The following SAMD5 variants were observed in gnomAD, a reference collection of about 807,000 sequenced individuals.
SAMD5 encodes the protein sterile alpha motif domain containing 5, also known as sterile alpha motif domain-containing protein 5.
A neutral mutation model predicts 11.3 loss-of-function variants in SAMD5; 13 were observed. That is an observed-to-expected ratio of 1.15 (90% CI 0.75 to 1.83). The LOEUF is 1.83. Ranked by LOEUF, SAMD5 falls within the 40% of genes most tolerant of loss-of-function variation. The pLI, the probability that SAMD5 is intolerant of heterozygous loss-of-function variation, is 0.00. For missense variants in SAMD5, 255 were observed against 239.1 expected, an observed-to-expected ratio of 1.07 and a Z score of -0.44; for synonymous variants, 129 against 111.3, an observed-to-expected ratio of 1.16 and a Z score of -1.00.
At chr6:147,929,697 T>C in the SAMD5 span, among the ~76,000 whole-genome samples, 1 of 152,190 alleles carries the variant, frequency 6.6e-6, no homozygotes. Flanking sequence ...TTGGGTTATG[T>C]TGGCAACTTA....
the SAMD5 span, among the ~76,000 whole-genome samples, chr6:147,765,394 T>A: frequency 1.3e-5 from 2 of 152,222 alleles, no homozygotes; most frequent in Non-Finnish European, 2.9e-5. Flanking sequence ...ATAAAACATC[T>A]TATAGGGCTT....
At chr6:147,947,533 T>G in the SAMD5 span, 3 of 152,210 alleles carry the variant, frequency 2.0e-5, no homozygotes, top group African/African-American at 7.2e-5. Flanking sequence ...AGTGTTCGTT[T>G]TGCTCTGGTA....
the SAMD5 span, among the ~76,000 whole-genome samples, chr6:147,922,612 C>A: frequency 6.6e-6 from 1 of 152,150 alleles, no homozygotes; most frequent in Non-Finnish European, 1.5e-5. Context: ...TGGCATTCCC[C>A]AATCAGTTCT....
At position 147,521,136 on chromosome 6, in the gene SAMD5, A is replaced by T. The variant is rs75110308; in HGVS notation, c.459+11749A>T. Among the ~76,000 whole-genome samples, 439 of 127,206 alleles carry T rather than the reference A, an allele frequency of 3.5e-3. 2 individuals carry two copies. Among genetic ancestry groups the T allele is most frequent in the African/African-American group, 0.013 (419 of 32,292 alleles). 83.5% of individuals were successfully genotyped at this position (127,206 alleles called of 152,430 possible). On this transcript the variant is annotated intron_variant, in intron 1 of 1. Coordinates refer to ENST00000367474, the MANE Select transcript of SAMD5 (RefSeq NM_001030060.3). ...CTTACCCATGTTACTACTAATTATTATTTTTTTATTATTTGAAAATGTCAC... is the reference window on the plus strand; with the variant it reads ...CTTACCCATGTTACTACTAATTATTTTTTTTTTATTATTTGAAAATGTCAC...
chr6:147,922,615 T>C, the SAMD5 span, among the ~76,000 whole-genome samples: 8 of 152,206 alleles, frequency 5.3e-5, no homozygotes, highest in African/African-American at 1.4e-4. Context: ...CATTCCCCAA[T>C]CAGTTCTGCT....
At chr6:147,887,835 G>A in the SAMD5 span, among the ~76,000 whole-genome samples, 1 of 152,194 alleles carries the variant, frequency 6.6e-6, no homozygotes, top group African/African-American at 2.4e-5. Context: ...CACTTGGTAT[G>A]ATGAGTCTTT....
chr6:147,780,121 T>A, the SAMD5 span, among the ~76,000 whole-genome samples: 1 of 152,146 alleles, frequency 6.6e-6, no homozygotes, highest in Non-Finnish European at 1.5e-5. Context: ...GCATGTTTTG[T>A]CTCATTCAAT....
At chr6:147,812,563 T>C in the SAMD5 span, among the ~76,000 whole-genome samples, 1 of 152,108 alleles carries the variant, frequency 6.6e-6, no homozygotes, top group African/African-American at 2.4e-5. Flanking sequence ...GGGATCTGTA[T>C]ATTTAAAAAT....
At chr6:147,690,117 A>G (rs569681393) in intron 1 of SAMD5, among the ~76,000 whole-genome samples, 41 of 152,050 alleles carry the variant, frequency 2.7e-4, no homozygotes, top group Non-Finnish European at 4.4e-4. Context: ...AAGTAAATAT[A>G]ATATAATCAC....
At chr6:147,636,380 C>T (rs1262736652) in intron 1 of SAMD5, among the ~76,000 whole-genome samples, 1 of 151,918 alleles carries the variant, frequency 6.6e-6, no homozygotes, top group Non-Finnish European at 1.5e-5. Flanking sequence ...ATATCCTCAT[C>T]AAAAAATTTA....
intron 1 of SAMD5, among the ~76,000 whole-genome samples, chr6:147,731,498 C>A (rs924514213): frequency 7.2e-5 from 11 of 152,072 alleles, no homozygotes; most frequent in African/African-American, 2.7e-4. Flanking sequence ...CAATGCACAG[C>A]CATGAACTTT....
chr6:147,853,227 C>T, the SAMD5 span, among the ~76,000 whole-genome samples: 1 of 152,036 alleles, frequency 6.6e-6, no homozygotes, highest in Non-Finnish European at 1.5e-5. Flanking sequence ...CTCTAAGTCT[C>T]AGTAATTGGA....
At chr6:147,747,656 A>C in the SAMD5 span, among the ~76,000 whole-genome samples, 24 of 152,176 alleles carry the variant, frequency 1.6e-4, no homozygotes, top group Middle Eastern at 3.4e-3. Flanking sequence ...GACCACAGGC[A>C]CGCGCTACCA....
the SAMD5 span, among the ~76,000 whole-genome samples, chr6:147,921,426 A>G: frequency 6.6e-6 from 1 of 152,166 alleles, no homozygotes; most frequent in Non-Finnish European, 1.5e-5. Context: ...TAGTGCCGCC[A>G]CCACAGCCCT....
At chr6:147,600,288 G>A (rs1789596225) in intron 1 of SAMD5, among the ~76,000 whole-genome samples, 3 of 152,158 alleles carry the variant, frequency 2.0e-5, no homozygotes, top group Admixed American at 2.0e-4. Flanking sequence ...TATCTCTGCT[G>A]TCACTCCAGC....
intron 1 of SAMD5, among the ~76,000 whole-genome samples, chr6:147,675,094 CT>C (rs1403887268): frequency 1.3e-5 from 2 of 152,114 alleles, no homozygotes; most frequent in Non-Finnish European, 2.9e-5. Flanking sequence ...TATAAAGAAC[CT>C]CATGTATTGC....
chr6:147,901,627 T>TA, the SAMD5 span, among the ~76,000 whole-genome samples: 100,272 of 151,976 alleles, frequency 0.66, 34,092 homozygotes, highest in African/African-American at 0.83. Context: ...TTTCTGGAAC[T>TA]AAAGTATGAG....
At chr6:147,700,357 A>G (rs183536595) in intron 1 of SAMD5, among the ~76,000 whole-genome samples, 450 of 152,304 alleles carry the variant, frequency 3.0e-3, no homozygotes, top group Non-Finnish European at 5.2e-3. Context: ...ATTAATCTTG[A>G]TCATAGAGCT....
At chr6:147,601,249 C>T (rs1789610055) in intron 1 of SAMD5, among the ~76,000 whole-genome samples, 2 of 152,000 alleles carry the variant, frequency 1.3e-5, no homozygotes, top group South Asian at 4.2e-4. Flanking sequence ...CAAAAATAAG[C>T]AAATCACAAA....
Sources: gnomAD v4.1 joint callset for allele counts (sites outside exome capture counted in the v4.1 genomes callset) on GRCh38, gnomAD v4.1.1 for gene constraint, MANE v1.5 for transcripts, NCBI Gene and HGNC (gene_info 2026-07-23, HGNC 2026-07-21) for gene names.